Variants in ADGRL2 observed in about 807,000 individuals in gnomAD.
The protein encoded by ADGRL2 is calcium-independent alpha-latrotoxin receptor 2.
ADGRL2 carries 44 observed loss-of-function variants against 157.4 expected under a neutral mutation model. The observed-to-expected ratio is 0.28, with a 90% CI of 0.22 to 0.36. The LOEUF (loss-of-function observed/expected upper bound fraction) is 0.36. Ranked by LOEUF, ADGRL2 falls within the 10% of genes least tolerant of loss-of-function variation. The pLI is 1.00. For synonymous variants in ADGRL2, 585 were observed against 624.7 expected (o/e 0.94, Z 0.95); for missense variants, 1,510 against 1,768.9 (o/e 0.85, Z 2.63).
chr1:81,383,927 C>T (rs1225607823), intron 1 of ADGRL2, among the ~76,000 whole-genome samples: 1 of 145,074 alleles, frequency 6.9e-6, no homozygotes, highest in Non-Finnish European at 1.5e-5. Context: ...GCACTCCAGC[C>T]TGGGCAACAG....
intron 1 of ADGRL2, among the ~76,000 whole-genome samples, chr1:81,387,143 C>T (rs780901944): frequency 4.5e-4 from 69 of 152,236 alleles, no homozygotes; most frequent in African/African-American, 1.3e-3. Flanking sequence ...CTACAGAAGA[C>T]GGTAGTGTTG....
At chr1:81,307,741 C>G (rs1659445207) in intron 1 of ADGRL2, among the ~76,000 whole-genome samples, 1 of 151,816 alleles carries the variant, frequency 6.6e-6, no homozygotes, top group African/African-American at 2.4e-5. Flanking sequence ...TAGGTAGATA[C>G]TTGTAGTTAG....
chr1:81,838,380 A>G (rs1407300702), intron 2 of ADGRL2, among the ~76,000 whole-genome samples: 1 of 152,122 alleles, frequency 6.6e-6, no homozygotes, highest in African/African-American at 2.4e-5. Context: ...GGCAGTTACA[A>G]TCTTTGGGTT....
chr1:81,556,812 T>C (rs2080290382), intron 2 of ADGRL2, among the ~76,000 whole-genome samples: 1 of 151,754 alleles, frequency 6.6e-6, no homozygotes. Flanking sequence ...GCGCGGTGGT[T>C]CACACCTGTA....
At chr1:81,500,419 G>A (rs766404932) in intron 2 of ADGRL2, among the ~76,000 whole-genome samples, 3 of 152,188 alleles carry the variant, frequency 2.0e-5, no homozygotes, top group Non-Finnish European at 4.4e-5. Flanking sequence ...ATCTACAGAT[G>A]AATGGATAAA....
chr1:81,491,770 A>T (rs1168910619), intron 2 of ADGRL2, among the ~76,000 whole-genome samples: 2 of 152,116 alleles, frequency 1.3e-5, no homozygotes, highest in Admixed American at 1.3e-4. Flanking sequence ...TCCACTTGTT[A>T]TTTTTTTCTG....
intron 1 of ADGRL2, among the ~76,000 whole-genome samples, chr1:81,755,164 ATT>A (rs397944063): frequency 1.4e-5 from 2 of 144,198 alleles, no homozygotes; most frequent in Admixed American, 7.1e-5. Context: ...ATATATATAT[ATT>A]TAAAGATATA....
At chr1:81,964,390 C>T (rs993110881) in intron 11 of ADGRL2, among the ~76,000 whole-genome samples, 12 of 152,048 alleles carry the variant, frequency 7.9e-5, no homozygotes, top group Non-Finnish European at 2.9e-5. Context: ...CTCCCTGCCG[C>T]CCACACAGAG....
At chr1:81,764,109 G>A (rs1339399337) in intron 2 of ADGRL2, among the ~76,000 whole-genome samples, 1 of 149,236 alleles carries the variant, frequency 6.7e-6, no homozygotes, top group African/African-American at 2.5e-5. Flanking sequence ...GAAGAATCAC[G>A]TGAACCCAAG....
At position 81,319,215 on chromosome 1, in the gene ADGRL2, G is replaced by A. The variant is rs144778750; in HGVS notation, c.-302+12706G>A. Reference sequence around the variant, plus strand: ...ACCTGCCTCGGCCTCCCAAAGTGCTGGGATTACAGGCGTGAGCCACCGCGC... The same window carrying A: ...ACCTGCCTCGGCCTCCCAAAGTGCTAGGATTACAGGCGTGAGCCACCGCGC... On this transcript the variant is annotated intron_variant, in intron 1 of 24. Transcript: ENST00000370721. 1.6e-3 allele frequency among the ~76,000 whole-genome samples: 250 copies of A among 151,914 alleles called. 1 individual carries two copies. Among genetic ancestry groups the A allele is most frequent in the Non-Finnish European group, 2.7e-3 (186 of 67,944 alleles).
chr1:81,507,498 G>T (rs1557743683), intron 2 of ADGRL2, among the ~76,000 whole-genome samples: 1 of 152,124 alleles, frequency 6.6e-6, no homozygotes, highest in Non-Finnish European at 1.5e-5. Flanking sequence ...TTTGCATGGT[G>T]ACCACGTGTT....
chr1:81,489,607 T>A (rs982046707), intron 2 of ADGRL2, among the ~76,000 whole-genome samples: 3 of 152,024 alleles, frequency 2.0e-5, no homozygotes, highest in African/African-American at 7.3e-5. Context: ...AATTTGTACA[T>A]CCAAGAAGCT....
intron 2 of ADGRL2, among the ~76,000 whole-genome samples, chr1:81,465,542 C>G (rs2078034716): frequency 6.6e-6 from 1 of 151,824 alleles, no homozygotes; most frequent in African/African-American, 2.4e-5. Flanking sequence ...ATCATTCTTG[C>G]TAATCTAGTA....
At chr1:81,452,421 C>T (rs893904096) in intron 2 of ADGRL2, among the ~76,000 whole-genome samples, 1 of 152,126 alleles carries the variant, frequency 6.6e-6, no homozygotes, top group Non-Finnish European at 1.5e-5. Context: ...ACACCTTTAT[C>T]TCAATGCCCC....
Position 81,924,080 on chromosome 1 carries a change from C to A in ADGRL2, c.288-12648C>A, listed in dbSNP as rs1279404583. Reference sequence around the variant, plus strand: ...GATTCAGGTAGTCAGGGAATATAATCCTGTTTGGCCAGCATCATTTGTATT... The same window carrying A: ...GATTCAGGTAGTCAGGGAATATAATACTGTTTGGCCAGCATCATTTGTATT... On this transcript the variant is annotated intron_variant, in intron 3 of 23. Coordinates refer to ENST00000686636, the MANE Select transcript of ADGRL2 (RefSeq NM_001366006.2). 3.9e-5 allele frequency among the ~76,000 whole-genome samples: 6 copies of A among 152,104 alleles called. No homozygotes were observed. In the East Asian group the frequency reaches 1.2e-3, roughly 29 times the overall value.
Position 81,993,071 on chromosome 1 carries a change from AT to A in ADGRL2, c.*1927del, listed in dbSNP as rs1664836571. Among the ~76,000 whole-genome samples, 2 of 29,486 alleles carry A rather than the reference AT, an allele frequency of 6.8e-5. No individual in the cohort carries two copies. The allele number at this position is 29,486 out of a possible 152,430, so 19.3% of individuals were successfully genotyped here. A position where few individuals can be genotyped will look rare whatever the true frequency, so the allele number is the denominator to read the frequency against. ...ATATATAATATACATATATATATAT[AT>A]ATATATATATATATATTTTTTTTTT... On this transcript the variant is annotated 3_prime_UTR_variant, in exon 24 of 24. Transcript: ENST00000686636.
chr1:81,872,200 C>T (rs2093715462), intron 2 of ADGRL2, among the ~76,000 whole-genome samples: 1 of 152,094 alleles, frequency 6.6e-6, no homozygotes, highest in Admixed American at 6.6e-5. Context: ...ATCTTTTCTC[C>T]ATTTCTTGTT....
At chr1:81,616,679 C>CTTTTCTT (rs1491482868) in intron 3 of ADGRL2, among the ~76,000 whole-genome samples, 60 of 105,958 alleles carry the variant, frequency 5.7e-4, no homozygotes, top group Non-Finnish European at 7.7e-4. Flanking sequence ...CTTTTCTTTT[C>CTTTTCTT]TTTTTTTTTT....
intron 1 of ADGRL2, among the ~76,000 whole-genome samples, chr1:81,360,488 G>A (rs2075958590): frequency 6.6e-6 from 1 of 152,000 alleles, no homozygotes; most frequent in Admixed American, 6.6e-5. Flanking sequence ...GAGATTGTAT[G>A]TTACTGGAAC....
Sources: gnomAD v4.1 joint callset for allele counts (sites outside exome capture counted in the v4.1 genomes callset) on GRCh38, gnomAD v4.1.1 for gene constraint, MANE v1.5 for transcripts, NCBI Gene and HGNC (gene_info 2026-07-23, HGNC 2026-07-21) for gene names.